The following ADAMTS10 variants were observed in gnomAD, a reference collection of about 807,000 sequenced individuals.
ADAMTS10 encodes A disintegrin and metalloproteinase with thrombospondin motifs 10.
A neutral mutation model predicts 135.9 loss-of-function variants in ADAMTS10; 48 were observed. The observed-to-expected ratio is 0.35, with a 90% confidence interval of 0.28 to 0.45. The LOEUF (loss-of-function observed/expected upper bound fraction) is 0.45. ADAMTS10 is among the 20% of genes least tolerant of loss of function. ADAMTS10 has a pLI of 1.00. For missense variants in ADAMTS10, 1,131 were observed against 1,565.2 expected (o/e 0.72, Z 4.68); for synonymous variants, 621 against 647.5 (o/e 0.96, Z 0.62).
At chr19:8,595,432 C>G (rs1419302653) in intron 12 of ADAMTS10, among the ~76,000 whole-genome samples, 1 of 152,144 alleles carries the variant, frequency 6.6e-6, no homozygotes, top group Non-Finnish European at 1.5e-5. Context: ...AAAACTGCCC[C>G]GTGAGAGGTC....
intron 12 of ADAMTS10, 85 bp from the exon 13 acceptor site, chr19:8,592,955 C>A (rs572083971): frequency 1.8e-5 from 23 of 1,261,048 alleles, no homozygotes; most frequent in Non-Finnish European, 2.4e-5. Flanking sequence ...CCCAGATGTC[C>A]GGCTCACTGC....
intron 22 of ADAMTS10, 73 bp downstream of exon 22, chr19:8,586,049 G>A: frequency 4.4e-6 from 7 of 1,609,060 alleles, no homozygotes; most frequent in Non-Finnish European, 5.9e-6. Flanking sequence ...CCACCCCCCT[G>A]GAGCACTCGC....
At position 8,586,320 on chromosome 19, in the gene ADAMTS10, GCCTTCCCCCA is replaced by G. The variant is rs782806380; in HGVS notation, c.2530+14_2530+23del. 5.6e-6 allele frequency: 9 copies of G among 1,613,480 alleles called. No individual in the cohort carries two copies. In the South Asian group the frequency reaches 8.8e-5, roughly 16 times the overall value. ...GAGAACCTCAGCCCAGGTATCTTGTGCCTTCCCCCACCCCCGGCCTCACCGCCTGCACACT... is the reference window on the plus strand; with the variant it reads ...GAGAACCTCAGCCCAGGTATCTTGTGCCCCCGGCCTCACCGCCTGCACACT... On this transcript the variant is annotated intron_variant, in intron 21 of 25. Coordinates refer to ENST00000597188, the MANE Select transcript of ADAMTS10 (RefSeq NM_030957.4).
intron 16 of ADAMTS10, 72 bp from the exon 17 acceptor site, chr19:8,589,657 G>T: frequency 6.3e-7 from 1 of 1,599,754 alleles, no homozygotes; most frequent in Admixed American, 1.7e-5. Flanking sequence ...CTGGGGGAGT[G>T]AGGCCAAGAG....
At position 8,605,602 on chromosome 19, in the gene ADAMTS10, C is replaced by T. The variant is rs1555742441; in HGVS notation, c.88+21G>A. On this transcript the variant is annotated intron_variant, in intron 3 of 25. Transcript: ENST00000597188. This position sits in a 1 kb window ranked among gnomAD's most constrained non-coding sequence, Gnocchi z 7.7. Reference sequence around the variant, plus strand: ...TACATTTTTCGCTCCCTCCCCACCGCCACCACCAGACTTCCCCTACCTTGA... The same window carrying T: ...TACATTTTTCGCTCCCTCCCCACCGTCACCACCAGACTTCCCCTACCTTGA... The T allele has an allele frequency of 6.2e-7, 1 of 1,612,336 alleles. No individual in the cohort carries two copies. Among genetic ancestry groups the T allele is most frequent in the Non-Finnish European group, 8.5e-7 (1 of 1,179,486 alleles).
At chr19:8,595,410 G>A (rs2042590616) in intron 12 of ADAMTS10, among the ~76,000 whole-genome samples, 1 of 152,146 alleles carries the variant, frequency 6.6e-6, no homozygotes, top group Admixed American at 6.5e-5. Flanking sequence ...GTCAGGACTG[G>A]ATGTTTAGTT....
At chr19:8,595,703 CCCCCAGCCCCAGCGG>C in intron 12 of ADAMTS10, 44 bp downstream of exon 12, 1 of 921,880 alleles carries the variant, frequency 1.1e-6, no homozygotes, top group Non-Finnish European at 1.6e-6. Context: ...GGAGTTCCCT[CCCCCAGCCCCAGCGG>C]CCCCCTCCCC....
chr19:8,599,780 T>G (rs946949042), intron 6 of ADAMTS10, among the ~76,000 whole-genome samples: 3 of 152,112 alleles, frequency 2.0e-5, no homozygotes, highest in Admixed American at 6.5e-5. Context: ...CTGCTAATTT[T>G]TAAATGTTTT....
chr19:8,596,270 C>T lies in ADAMTS10; in HGVS notation c.1190+37G>A. 1 of 1,612,722 alleles carries T rather than the reference C, an allele frequency of 6.2e-7. No homozygotes were observed. Among genetic ancestry groups the T allele is most frequent in the Non-Finnish European group, 8.5e-7 (1 of 1,179,982 alleles). ...CGGGCGCTGAGGGACCCGCCCAGCT[C>T]CTCCCCTCCTCCCCCTCTTGTGTGC... On this transcript the variant is annotated intron_variant, in intron 10 of 25. Transcript: ENST00000597188. This position sits in a 1 kb window ranked among gnomAD's most constrained non-coding sequence, Gnocchi z 7.2.
Position 8,586,883 on chromosome 19 carries a change from G to A in ADAMTS10, c.2172C>T (p.Val724=), listed in dbSNP as rs370076512. Residue 724 remains valine (V), a synonymous_variant, in exon 19 of 26, where the codon GTC becomes GTT. Coordinates refer to ENST00000597188, the MANE Select transcript of ADAMTS10 (RefSeq NM_030957.4). The part of the protein sequence containing the change: ...PASPGAGYED[V]VWIPKGSVHI... ...GGACGGAGCCTTTGGGAATCCAGAC[G>A]ACATCCTCGTACCCTGAACAGCAGA... The A allele has an allele frequency of 8.7e-6, 14 of 1,613,988 alleles. No homozygotes were observed. Among genetic ancestry groups the A allele is most frequent in the East Asian group, 2.2e-5 (1 of 44,890 alleles).
At chr19:8,589,753 T>C in intron 16 of ADAMTS10, 136 bp downstream of exon 16, 2 of 1,389,390 alleles carry the variant, frequency 1.4e-6, no homozygotes, top group Non-Finnish European at 2.0e-6. Context: ...CATGGTACCG[T>C]ATCCCAGGTA....
At chr19:8,603,968 G>T (rs2042693442) in intron 4 of ADAMTS10, 84 bp from the exon 5 acceptor site, 7 of 1,362,250 alleles carry the variant, frequency 5.1e-6, no homozygotes, top group South Asian at 3.1e-5. Flanking sequence ...CTGTCTTTAT[G>T]ATTTCATTCT....
intron 23 of ADAMTS10, 42 bp from the exon 24 acceptor site, chr19:8,585,350 A>C: frequency 6.5e-7 from 1 of 1,533,764 alleles, no homozygotes; most frequent in African/African-American, 1.4e-5. Flanking sequence ...GTGCTGCCCC[A>C]GTGCGAAGTG....
chr19:8,581,887 C>T lies in ADAMTS10; in HGVS notation c.3203-885G>A, dbSNP rs182574485. Reference sequence around the variant, plus strand: ...AAAAAAAAAAAAAGGAAAAATTAGCCGGGTGTTGTGGCATGTGCCTGTAGT... The same window carrying T: ...AAAAAAAAAAAAAGGAAAAATTAGCTGGGTGTTGTGGCATGTGCCTGTAGT... On this transcript the variant is annotated intron_variant, in intron 25 of 25. Coordinates refer to ENST00000597188, the MANE Select transcript of ADAMTS10 (RefSeq NM_030957.4). Among the ~76,000 whole-genome samples, 603 of 150,776 alleles carry T rather than the reference C, an allele frequency of 4.0e-3. 4 individuals are homozygous for T. In the Middle Eastern group the frequency reaches 0.048, roughly 12 times the overall value.
intron 25 of ADAMTS10, among the ~76,000 whole-genome samples, chr19:8,584,154 CAAAAA>C (rs34412373): frequency 4.5e-5 from 2 of 44,892 alleles, no homozygotes; most frequent in African/African-American, 1.8e-4. Context: ...GACTCCATCT[CAAAAA>C]AAAAAAAAAA....
intron 13 of ADAMTS10, among the ~76,000 whole-genome samples, chr19:8,592,426 C>G (rs901671265): frequency 3.6e-4 from 54 of 151,674 alleles, no homozygotes; most frequent in African/African-American, 1.3e-3. Flanking sequence ...TGGCCAGAGC[C>G]GAGGGCAGCA....
chr19:8,596,356 C>A lies in ADAMTS10; in HGVS notation c.1141G>T (p.Asp381Tyr), dbSNP rs1555740202. 1 of 1,613,142 alleles carries A rather than the reference C, an allele frequency of 6.2e-7. No homozygotes were observed. Among genetic ancestry groups the A allele is most frequent in the Admixed American group, 1.7e-5 (1 of 59,936 alleles). The change falls in exon 10 of 26, where the codon GAC (aspartate) becomes TAC (tyrosine). Residue 381 changes from aspartate (D) to tyrosine (Y), a missense_variant. Transcript: ENST00000597188. This position sits in a 1 kb window ranked among gnomAD's most constrained non-coding sequence, Gnocchi z 7.2. ...ERERSCSVNE[D>Y]IGLATAFTIA... ...GTGAACGCTGTGGCCAGGCCAATGT[C>A]CTCATTGACGCTGCAGCTTCTCTCG...
chr19:8,586,730 C>T lies in ADAMTS10; in HGVS notation c.2240-9G>A, dbSNP rs373507694. 82 of 1,614,070 alleles carry T rather than the reference C, an allele frequency of 5.1e-5. No individual in the cohort carries two copies. The highest frequency in any genetic ancestry group is 1.6e-4 in the Middle Eastern group (1 of 6,062). On this transcript the variant is annotated splice_polypyrimidine_tract_variant and intron_variant, in intron 19 of 25. Transcript: ENST00000597188. ...CTGGTCTCCCTTCAGGGCTGGGGGACGATGCAGGGTTCAGAATTCTAGTCA... is the reference window on the plus strand; with the variant it reads ...CTGGTCTCCCTTCAGGGCTGGGGGATGATGCAGGGTTCAGAATTCTAGTCA...
chr19:8,586,100 A>C, intron 22 of ADAMTS10, 22 bp downstream of exon 22: 3 of 1,612,262 alleles, frequency 1.9e-6, no homozygotes, highest in Non-Finnish European at 2.5e-6. Flanking sequence ...CCTGAGCAAC[A>C]CTGCCCCCTG....
Sources: gnomAD v4.1 joint callset for allele counts (sites outside exome capture counted in the v4.1 genomes callset) on GRCh38, gnomAD v4.1.1 for gene constraint, Gnocchi (gnomAD v3.1) non-coding constraint, MANE v1.5 for transcripts, NCBI Gene and HGNC (gene_info 2026-07-23, HGNC 2026-07-21) for gene names.